Variants in PLSCR2 observed in about 807,000 individuals in gnomAD.
PLSCR2 encodes phospholipid scramblase 2.
PLSCR2 carries 18 observed loss-of-function variants against 25.3 expected under a neutral mutation model. That is an observed-to-expected ratio of 0.71 (90% CI 0.49 to 1.06). The LOEUF is 1.06. Ranked by LOEUF, PLSCR2 falls within the 50% of genes least tolerant of loss-of-function variation. The probability of loss-of-function intolerance (pLI) is 0.00; values close to 1 mark genes in which losing one functional copy is unlikely to be tolerated. For synonymous variants in PLSCR2, 88 were observed against 87.3 expected, an observed-to-expected ratio of 1.01 and a Z score of -0.04; for missense variants, 243 against 269.5, an observed-to-expected ratio of 0.90 and a Z score of 0.69.
At chr3:146,405,094 C>A (rs1054326678) in intron 2 of PLSCR2, among the ~76,000 whole-genome samples, 2 of 151,890 alleles carry the variant, frequency 1.3e-5, no homozygotes, top group African/African-American at 2.4e-5. Flanking sequence ...AGAAGGCTAA[C>A]GCTCAAAATT....
intron 5 of PLSCR2, among the ~76,000 whole-genome samples, chr3:146,451,023 CA>C (rs1471576710): frequency 3.6e-5 from 5 of 140,588 alleles, no homozygotes; most frequent in South Asian, 2.3e-4. Context: ...AAAAACAAAA[CA>C]AAAAAATATG....
At chr3:146,409,580 G>C (rs1305224007) in intron 2 of PLSCR2, among the ~76,000 whole-genome samples, 1 of 152,072 alleles carries the variant, frequency 6.6e-6, no homozygotes, top group Non-Finnish European at 1.5e-5. Context: ...AACTATTGTA[G>C]GATTCAATGA....
At chr3:146,495,918 T>C in exon 1 of PLSCR2, 1 of 1,535,652 alleles carries the variant, frequency 6.5e-7, no homozygotes, top group Non-Finnish European at 8.7e-7. Flanking sequence ...TTGAAAAGGC[T>C]TCATTCTCCA....
upstream of PLSCR2, chr3:146,463,766 A>G (rs1417307465): frequency 2.8e-5 from 16 of 577,234 alleles, no homozygotes; most frequent in Non-Finnish European, 3.5e-5. Flanking sequence ...TAAGTGGTAA[A>G]TAAGTCAACT....
chr3:146,411,291 C>T (rs558484807), intron 2 of PLSCR2, among the ~76,000 whole-genome samples: 24 of 152,268 alleles, frequency 1.6e-4, no homozygotes, highest in Admixed American at 9.8e-4. Flanking sequence ...AAAACCAAGG[C>T]TCAAACCTCT....
At chr3:146,458,446 A>C in exon 3 of PLSCR2, 1 of 1,483,540 alleles carries the variant, frequency 6.7e-7, no homozygotes. Context: ...AATTAGTATC[A>C]TATCTATCTA....
chr3:146,461,712 A>G, upstream of PLSCR2: 2 of 601,804 alleles, frequency 3.3e-6, no homozygotes, highest in South Asian at 4.4e-5. Context: ...TGTTCGTGAG[A>G]GAGGAGAGTC....
rs202207961 is a variant in PLSCR2 at position 146,484,783 on chromosome 3, GA to G, written c.-293+11111del. 7.0e-3 allele frequency among the ~76,000 whole-genome samples: 1,059 copies of G among 152,060 alleles called. 8 individuals carry two copies. Among genetic ancestry groups the G allele is most frequent in the South Asian group, 0.019 (90 of 4,824 alleles). ...CCAGTCCTGCCCTGCAAGAGTTCCT[GA>G]AAAAAGCACTAAATATGACATGGAA... is the stretch of plus-strand genomic sequence containing the variant. On this transcript the variant is annotated intron_variant, in intron 1 of 8. Transcript: ENST00000336685.
At chr3:146,394,518 G>T (rs537026622) in intron 3 of PLSCR2, among the ~76,000 whole-genome samples, 1 of 152,112 alleles carries the variant, frequency 6.6e-6, no homozygotes, top group South Asian at 2.1e-4. Context: ...TGCCCACCTC[G>T]CCCTCCCAAA....
exon 6 of PLSCR2, chr3:146,449,225 A>G (rs2108307581): frequency 6.2e-7 from 1 of 1,612,884 alleles, no homozygotes; most frequent in South Asian, 1.1e-5. Context: ...ACAGGCACCA[A>G]TCATCACGGC....
chr3:146,482,049 T>A (rs2108536029), intron 1 of PLSCR2, among the ~76,000 whole-genome samples: 1 of 152,316 alleles, frequency 6.6e-6, no homozygotes, highest in South Asian at 2.1e-4. Context: ...GCTGGATCCC[T>A]TCCTTACACC....
intron 5 of PLSCR2, 65 bp from the exon 6 acceptor site, chr3:146,449,432 C>T: frequency 9.2e-7 from 1 of 1,086,452 alleles, no homozygotes; most frequent in South Asian, 1.4e-5. Flanking sequence ...TTACTTTTAA[C>T]ACTGGAGTAA....
At chr3:146,461,957 C>T (rs759809193), upstream of PLSCR2, 18 of 1,387,296 alleles carry the variant, frequency 1.3e-5, no homozygotes, top group Non-Finnish European at 1.7e-5. Context: ...CTTTCATAAG[C>T]TAAAAAAAAA....
intron 2 of PLSCR2, among the ~76,000 whole-genome samples, chr3:146,411,760 G>A (rs1214510075): frequency 6.6e-6 from 1 of 152,144 alleles, no homozygotes; most frequent in African/African-American, 2.4e-5. Flanking sequence ...AAAGGGGAGG[G>A]GGTCTAGTTA....
At chr3:146,476,295 C>T (rs1011621391) in intron 1 of PLSCR2, among the ~76,000 whole-genome samples, 5 of 152,198 alleles carry the variant, frequency 3.3e-5, no homozygotes, top group African/African-American at 9.6e-5. Flanking sequence ...CCACATGGGG[C>T]AGGGGGAGCT....
rs569572595 is a variant in PLSCR2, at chr3:146,491,755, A to G, written c.-293+4140T>C. On this transcript the variant is annotated intron_variant, in intron 1 of 8. Coordinates refer to the PLSCR2 transcript ENST00000336685. The stretch of plus-strand genomic sequence containing the variant: ...CACTTTTCAACTCTTGGATCATATT[A>G]TTAGTTTTCTTGAATTGGGTTTCAA... 5.9e-5 allele frequency among the ~76,000 whole-genome samples: 9 copies of G among 152,162 alleles called. No individual in the cohort carries two copies. In the South Asian group the frequency reaches 1.9e-3, roughly 32 times the overall value.
At chr3:146,422,996 T>C (rs184933052) in intron 2 of PLSCR2, among the ~76,000 whole-genome samples, 22 of 152,220 alleles carry the variant, frequency 1.4e-4, no homozygotes, top group African/African-American at 5.1e-4. Flanking sequence ...ATATTTCTTA[T>C]AGTATTTATA....
chr3:146,401,215 T>C (rs888297030), intron 2 of PLSCR2: 2 of 152,144 alleles, frequency 1.3e-5, no homozygotes, highest in Non-Finnish European at 2.9e-5. Flanking sequence ...ATTCTCACCC[T>C]ATACTTATGT....
At chr3:146,475,514 C>T (rs2042257075) in intron 1 of PLSCR2, among the ~76,000 whole-genome samples, 2 of 152,078 alleles carry the variant, frequency 1.3e-5, no homozygotes, top group South Asian at 4.2e-4. Flanking sequence ...TATGACAACT[C>T]TGGAAACTGT....
Sources: gnomAD v4.1 joint callset for allele counts (sites outside exome capture counted in the v4.1 genomes callset) on GRCh38, gnomAD v4.1.1 for gene constraint, MANE v1.5 for transcripts, NCBI Gene and HGNC (gene_info 2026-07-23, HGNC 2026-07-21) for gene names.